Variants in SLC38A10 observed in about 807,000 individuals in gnomAD.
SLC38A10 encodes the protein solute carrier family 38 member 10.
Under a neutral mutation model 81.0 loss-of-function variants are expected in SLC38A10, and 53 were observed. The observed-to-expected ratio is 0.65, with a 90% CI of 0.53 to 0.82. SLC38A10 has a LOEUF of 0.82. Ranked by LOEUF, SLC38A10 falls within the 40% of genes least tolerant of loss-of-function variation. The pLI, the probability that SLC38A10 is intolerant of heterozygous loss-of-function variation, is 0.00. For synonymous variants in SLC38A10, 665 were observed against 655.3 expected (o/e 1.01, Z -0.23); for missense variants, 1,471 against 1,545.0 (o/e 0.95, Z 0.80).
rs1171794499 is a variant in SLC38A10 at position 81,283,497 on chromosome 17, A to C, written c.269T>G (p.Ile90Ser). The change falls in exon 4 of 16, where the codon ATC (isoleucine) becomes AGC (serine). Residue 90 changes from isoleucine (I) to serine (S), a missense_variant. Around this residue, in one of 2 missense-constraint regions of SLC38A10, gnomAD observed 720 missense variants for 827.7 expected, o/e 0.87. Transcript: ENST00000374759. This position sits in a 1 kb window ranked among gnomAD's most constrained non-coding sequence, Gnocchi z 4.7. ...AGKMLVETSM[I>S]GLMLGTCIAF... ...GATGCAGGTGCCCAGCATCAGCCCGATCATGCTGCACAGGGACGGGGGGTA... is the reference window on the plus strand; with the variant it reads ...GATGCAGGTGCCCAGCATCAGCCCGCTCATGCTGCACAGGGACGGGGGGTA... The C allele has an allele frequency of 5.0e-6, 8 of 1,609,312 alleles. No individual in the cohort carries two copies. In the Admixed American group the frequency reaches 1.3e-4, roughly 27 times the overall value.
chr17:81,254,988 T>G (rs2062958685), intron 11 of SLC38A10, among the ~76,000 whole-genome samples: 1 of 152,272 alleles, frequency 6.6e-6, no homozygotes, highest in Non-Finnish European at 1.5e-5. Flanking sequence ...AGCAGTCATT[T>G]TCTCAGCAGG....
In SLC38A10 at chr17:81,245,554, T is replaced by A; in HGVS notation, c.*2A>T. 1 of 1,598,114 alleles carries A rather than the reference T, an allele frequency of 6.3e-7. No individual in the cohort carries two copies. Among genetic ancestry groups the A allele is most frequent in the Non-Finnish European group, 8.5e-7 (1 of 1,173,080 alleles). The stretch of plus-strand genomic sequence containing the variant: ...TGGCGTGGCCCTCATGGCCAGCAGG[T>A]GCTAGGACTCCTCTGGAGGCCCAGG... On this transcript the variant is annotated 3_prime_UTR_variant, in exon 16 of 16. Transcript: ENST00000374759.
At chr17:81,261,849 TG>T (rs1274397078) in intron 10 of SLC38A10, among the ~76,000 whole-genome samples, 1 of 152,196 alleles carries the variant, frequency 6.6e-6, no homozygotes, top group African/African-American at 2.4e-5. Flanking sequence ...ACGGCAGGCC[TG>T]CCCCAGGTGC....
chr17:81,289,585 A>G lies in SLC38A10; in HGVS notation c.217+106T>C, dbSNP rs1367374360. The G allele has an allele frequency of 3.8e-6, 3 of 789,354 alleles. No homozygotes were observed. Among genetic ancestry groups the G allele is most frequent in the Non-Finnish European group, 3.7e-6 (2 of 547,714 alleles). 48.9% of individuals were successfully genotyped at this position (789,354 alleles called of 1,614,324 possible). ...ATTTTAAAATAAAAAAAACCCTGCT[A>G]TCCAAGGAATTCTTGAAGAATCAAG... On this transcript the variant is annotated intron_variant, in intron 2 of 15. Transcript: ENST00000374759. The surrounding 1 kb of genome is among the most constrained non-coding windows in gnomAD (Gnocchi z 5.9).
Position 81,253,168 on chromosome 17 carries a change from A to G in SLC38A10, c.1361T>C (p.Leu454Pro). Reference sequence around the variant, plus strand: ...GGGCCCCTTGATCTGGGCCTGCTCCAGCTCCTCTCTCTCCTTCGGCAGCTT... The same window carrying G: ...GGGCCCCTTGATCTGGGCCTGCTCCGGCTCCTCTCTCTCCTTCGGCAGCTT... ...KPKLPKEREE[L>P]EQAQIKGPVD... Residue 454 changes from leucine (L) to proline (P), a missense_variant, in exon 12 of 16, where the codon CTG (leucine) becomes CCG (proline). Transcript: ENST00000374759. The surrounding 1 kb of genome is among the most constrained non-coding windows in gnomAD (Gnocchi z 4.1). The G allele has an allele frequency of 6.2e-7, 1 of 1,613,890 alleles. No individual in the cohort carries two copies. Among genetic ancestry groups the G allele is most frequent in the Non-Finnish European group, 8.5e-7 (1 of 1,180,034 alleles).
rs1328714468 is a variant in SLC38A10, at chr17:81,270,145, G to A, written c.1131+773C>T. On this transcript the variant is annotated intron_variant, in intron 10 of 15. Transcript: ENST00000374759. The surrounding 1 kb of genome is among the most constrained non-coding windows in gnomAD (Gnocchi z 4.0). Reference sequence around the variant, plus strand: ...AATGATGAAGCCTGGAAGGTCCTGGGTGCAGGGACAGAGGCCTTGAGCCTG... The same window carrying A: ...AATGATGAAGCCTGGAAGGTCCTGGATGCAGGGACAGAGGCCTTGAGCCTG... Among the ~76,000 whole-genome samples, 2 of 152,194 alleles carry A rather than the reference G, an allele frequency of 1.3e-5. No individual in the cohort carries two copies. The highest frequency in any genetic ancestry group is 6.5e-5 in the Admixed American group (1 of 15,278).
intron 6 of SLC38A10, chr17:81,279,864 C>T (rs1457137403): frequency 4.9e-6 from 1 of 203,804 alleles, no homozygotes; most frequent in African/African-American, 2.3e-5. Flanking sequence ...AAGAGAGACG[C>T]TAAGTGGGAA....
In SLC38A10 at chr17:81,253,329, C is replaced by T; in HGVS notation, c.1289-89G>A. The T allele has an allele frequency of 4.1e-6, 6 of 1,473,768 alleles. No homozygotes were observed. Among genetic ancestry groups the T allele is most frequent in the Non-Finnish European group, 5.5e-6 (6 of 1,094,542 alleles). The allele number at this position is 1,473,768 out of a possible 1,614,324, so 91.3% of individuals were successfully genotyped here. On this transcript the variant is annotated intron_variant, in intron 11 of 15. Transcript: ENST00000374759. The surrounding 1 kb of genome is among the most constrained non-coding windows in gnomAD (Gnocchi z 4.1). ...CCTGGACTGTTACCATATTTTCCAG[C>T]CAAATGGCAGAGTCAAAGCAGTTTC... is the stretch of plus-strand genomic sequence containing the variant.
In SLC38A10 at chr17:81,286,872, G is replaced by A. The variant is rs1278935132; in HGVS notation, c.218-1977C>T. ...ACAGTCCCTGCTGCTGGGGGAGGCG[G>A]TTTCTAGCCCAGACCACGCATGCCA... On this transcript the variant is annotated intron_variant, in intron 2 of 15. Coordinates refer to ENST00000374759, the MANE Select transcript of SLC38A10 (RefSeq NM_001037984.3). The surrounding 1 kb of genome is among the most constrained non-coding windows in gnomAD (Gnocchi z 6.0). Among the ~76,000 whole-genome samples, 1 of 152,114 alleles carries A rather than the reference G, an allele frequency of 6.6e-6. No homozygotes were observed. Among genetic ancestry groups the A allele is most frequent in the Non-Finnish European group, 1.5e-5 (1 of 68,028 alleles).
rs1016787561 is a variant in SLC38A10 at position 81,276,212 on chromosome 17, C to A, written c.730-61G>T. 5 of 1,491,978 alleles carry A rather than the reference C, an allele frequency of 3.4e-6. No individual in the cohort carries two copies. Among genetic ancestry groups the A allele is most frequent in the Non-Finnish European group, 4.5e-6 (5 of 1,106,588 alleles). 92.4% of individuals were successfully genotyped at this position (1,491,978 alleles called of 1,614,324 possible). On this transcript the variant is annotated intron_variant, in intron 7 of 15. Transcript: ENST00000374759. This position sits in a 1 kb window ranked among gnomAD's most constrained non-coding sequence, Gnocchi z 4.7. ...GACATCCTAGCCGAGTGGCACCTGT[C>A]ACAGTGGGCAGGGCATGGGGGGGAC...
chr17:81,258,135 C>A (rs570764619), intron 11 of SLC38A10, among the ~76,000 whole-genome samples: 1 of 152,344 alleles, frequency 6.6e-6, no homozygotes, highest in East Asian at 1.9e-4. Flanking sequence ...ATGGGATTCA[C>A]GGCCACAGCC....
chr17:81,248,072 C>T (rs187752522), intron 14 of SLC38A10, among the ~76,000 whole-genome samples: 7,647 of 150,626 alleles, frequency 0.051, 265 homozygotes, highest in Non-Finnish European at 0.081. Flanking sequence ...ATTCTTCTGC[C>T]TCAGCCTCCC....
At chr17:81,261,324 T>C (rs147383377) in intron 10 of SLC38A10, among the ~76,000 whole-genome samples, 151 of 152,314 alleles carry the variant, frequency 9.9e-4, no homozygotes, top group East Asian at 9.1e-3. Context: ...CAGCGGGTGC[T>C]GGTTTCTGCC....
chr17:81,270,312 C>T lies in SLC38A10; in HGVS notation c.1131+606G>A, dbSNP rs2063103310. Among the ~76,000 whole-genome samples, 1 of 152,354 alleles carries T rather than the reference C, an allele frequency of 6.6e-6. No homozygotes were observed. The highest frequency in any genetic ancestry group is 2.4e-5 in the African/African-American group (1 of 41,578). On this transcript the variant is annotated intron_variant, in intron 10 of 15. Transcript: ENST00000374759. The surrounding 1 kb of genome is among the most constrained non-coding windows in gnomAD (Gnocchi z 4.0). Reference sequence around the variant, plus strand: ...CGACATGCTCATGAACACAGATATTCATCGCGATTCTGTCTGCAATAGCAA... The same window carrying T: ...CGACATGCTCATGAACACAGATATTTATCGCGATTCTGTCTGCAATAGCAA...
chr17:81,254,040 G>A (rs73358109), intron 11 of SLC38A10, among the ~76,000 whole-genome samples: 4,525 of 151,660 alleles, frequency 0.03, 133 homozygotes, highest in African/African-American at 0.077. Flanking sequence ...CACCTCCACC[G>A]TCACTGCCAT....
At position 81,246,392 on chromosome 17, in the gene SLC38A10, G is replaced by T; in HGVS notation, c.2524C>A (p.Pro842Thr). The T allele has an allele frequency of 6.2e-7, 1 of 1,600,504 alleles. No individual in the cohort carries two copies. The highest frequency in any genetic ancestry group is 1.7e-5 in the Admixed American group (1 of 58,998). ...TCCTTCACAGTGCCAGCTGCCCTGGGGGCGGCATCCTTCTGGCCATCTCTC... is the reference window on the plus strand; with the variant it reads ...TCCTTCACAGTGCCAGCTGCCCTGGTGGCGGCATCCTTCTGGCCATCTCTC... ...KLRDGQKDAA[P>T]RAAGTVKELP... The change falls in exon 16 of 16, where the codon CCC becomes ACC. Residue 842 changes from proline (P) to threonine (T), a missense_variant. Transcript: ENST00000374759.
intron 10 of SLC38A10, among the ~76,000 whole-genome samples, chr17:81,266,231 G>C (rs1052198994): frequency 2.0e-5 from 3 of 152,218 alleles, no homozygotes; most frequent in South Asian, 4.1e-4. Flanking sequence ...CAGGTGAAAA[G>C]CCAAGAGATC....
chr17:81,247,372 G>A (rs1031420340), intron 14 of SLC38A10: 3 of 278,918 alleles, frequency 1.1e-5, no homozygotes, highest in African/African-American at 2.2e-5. Context: ...AGGCGCACCC[G>A]GCAGGACCCC....
In SLC38A10 at chr17:81,249,940, AG is replaced by A; in HGVS notation, c.2065+1552del. The stretch of plus-strand genomic sequence containing the variant: ...TGTGGCTGAGCCTGGGTGCGTGCGC[AG>A]GTCTGGGGCCTGACACGTGTCCCCA... On this transcript the variant is annotated intron_variant, in intron 14 of 15. Transcript: ENST00000374759. The A allele has an allele frequency of 4.0e-6, 3 of 758,968 alleles. No individual in the cohort carries two copies. The Middle Eastern group carries it at 9.8e-4, about 248-fold the overall frequency. The allele number at this position is 758,968 out of a possible 1,614,324, so 47.0% of individuals were successfully genotyped here. A position where few individuals can be genotyped will look rare whatever the true frequency, so the allele number is the denominator to read the frequency against.
Sources: allele counts gnomAD v4.1 joint callset (sites outside exome capture counted in the v4.1 genomes callset), GRCh38; gene constraint gnomAD v4.1.1; regional missense constraint gnomAD v4.1.1; non-coding constraint Gnocchi (gnomAD v3.1); transcripts MANE v1.5; gene names NCBI Gene and HGNC (gene_info 2026-07-23, HGNC 2026-07-21).